Variants in IL1RAP observed in about 807,000 individuals in gnomAD.
IL1RAP encodes interleukin 1 receptor accessory protein.
Under a neutral mutation model 60.7 loss-of-function variants are expected in IL1RAP, and 35 were observed. The observed-to-expected ratio is 0.58, with a 90% CI of 0.44 to 0.76. The LOEUF (loss-of-function observed/expected upper bound fraction) is 0.76, where lower values mean the gene tolerates loss of function less well. Ranked by LOEUF, IL1RAP falls within the 30% of genes least tolerant of loss-of-function variation. The pLI is 0.00. For synonymous variants in IL1RAP, 268 were observed against 250.9 expected (o/e 1.07, Z -0.64); for missense variants, 572 against 693.9 (o/e 0.82, Z 1.97).
intron 3 of IL1RAP, among the ~76,000 whole-genome samples, chr3:190,566,308 G>A (rs1488609840): frequency 6.6e-6 from 1 of 152,148 alleles, no homozygotes; most frequent in South Asian, 2.1e-4. Flanking sequence ...TTGGGTTCAT[G>A]CCAGTAATTC....
At chr3:190,549,580 CG>C (rs1560159717) in intron 1 of IL1RAP, among the ~76,000 whole-genome samples, 1 of 152,110 alleles carries the variant, frequency 6.6e-6, no homozygotes, top group Non-Finnish European at 1.5e-5. Flanking sequence ...TGAAACAAGT[CG>C]GGGGTGAGGA....
intron 2 of IL1RAP, among the ~76,000 whole-genome samples, chr3:190,560,188 C>T (rs1725764393): frequency 6.6e-6 from 1 of 152,170 alleles, no homozygotes. Flanking sequence ...CCTACTCAGA[C>T]TTTTTGCAGT....
intron 5 of IL1RAP, among the ~76,000 whole-genome samples, chr3:190,619,080 C>T (rs1731528819): frequency 6.6e-6 from 1 of 152,098 alleles, no homozygotes; most frequent in Admixed American, 6.5e-5. Flanking sequence ...TGTAAAAAGC[C>T]TTAGAGATAA....
At chr3:190,653,658 T>C (rs554733549), downstream of IL1RAP, among the ~76,000 whole-genome samples, 2 of 151,530 alleles carry the variant, frequency 1.3e-5, no homozygotes, top group South Asian at 2.1e-4. Context: ...TATTGAAGAG[T>C]TCTCAGTCAT....
intron 6 of IL1RAP, 81 bp downstream of exon 6, chr3:190,620,521 T>C: frequency 8.3e-7 from 1 of 1,210,230 alleles, no homozygotes; most frequent in East Asian, 2.5e-5. Flanking sequence ...TACACACTAG[T>C]ATGTAAATTG....
chr3:190,585,252 C>G (rs1279951721), intron 3 of IL1RAP, among the ~76,000 whole-genome samples: 5 of 152,118 alleles, frequency 3.3e-5, no homozygotes, highest in Non-Finnish European at 7.4e-5. Context: ...TGCAGTCTTT[C>G]TCAACTTGAT....
intron 5 of IL1RAP, among the ~76,000 whole-genome samples, chr3:190,611,529 A>C (rs1321460428): frequency 2.0e-5 from 3 of 152,218 alleles, no homozygotes; most frequent in African/African-American, 7.2e-5. Flanking sequence ...AGTAGATAGC[A>C]CTGTAGCATC....
intron 3 of IL1RAP, among the ~76,000 whole-genome samples, chr3:190,589,982 C>T (rs1728803377): frequency 6.6e-6 from 1 of 152,210 alleles, no homozygotes; most frequent in Non-Finnish European, 1.5e-5. Context: ...GCAATAAAAA[C>T]TCAAAATCAA....
intron 9 of IL1RAP, among the ~76,000 whole-genome samples, chr3:190,637,679 CAT>C (rs1733329165): frequency 6.6e-6 from 1 of 151,910 alleles, no homozygotes; most frequent in African/African-American, 2.4e-5. Context: ...TTGAGAAATG[CAT>C]ATATATATGC....
chr3:190,630,733 C>T (rs1045319123), intron 9 of IL1RAP, among the ~76,000 whole-genome samples: 1 of 152,156 alleles, frequency 6.6e-6, no homozygotes, highest in African/African-American at 2.4e-5. Flanking sequence ...CTCGGGAACA[C>T]TACTAAGAAT....
intron 7 of IL1RAP, among the ~76,000 whole-genome samples, chr3:190,626,538 C>T (rs139054574): frequency 6.6e-6 from 1 of 152,176 alleles, no homozygotes; most frequent in Non-Finnish European, 1.5e-5. Flanking sequence ...ATGGTATTTC[C>T]CCATCTTTCC....
rs536225995 is a variant in IL1RAP at position 190,555,308 on chromosome 3, A to G, written c.-88-822A>G. Reference sequence around the variant, plus strand: ...ATGTGCTCCTTCCTCCCTCCTCTCTACTCCGCTTCCTTCTCTACTCCCTAC... The same window carrying G: ...ATGTGCTCCTTCCTCCCTCCTCTCTGCTCCGCTTCCTTCTCTACTCCCTAC... On this transcript the variant is annotated intron_variant, in intron 1 of 11. Coordinates refer to ENST00000447382, the MANE Select transcript of IL1RAP (RefSeq NM_002182.4). Among the ~76,000 whole-genome samples, 4 of 151,442 alleles carry G rather than the reference A, an allele frequency of 2.6e-5. No homozygotes were observed. In the East Asian group the frequency reaches 7.8e-4, roughly 29 times the overall value.
intron 9 of IL1RAP, among the ~76,000 whole-genome samples, chr3:190,637,844 A>T (rs11920183): frequency 0.085 from 12,825 of 150,452 alleles, 864 homozygotes; most frequent in African/African-American, 0.19. Flanking sequence ...TTTTTTTTTT[A>T]TATATTCTAG....
At chr3:190,578,054 C>T (rs1417611975) in intron 3 of IL1RAP, among the ~76,000 whole-genome samples, 4 of 152,098 alleles carry the variant, frequency 2.6e-5, no homozygotes, top group Admixed American at 6.6e-5. Context: ...CAGAGAACTA[C>T]CAGAGGGAGG....
At chr3:190,647,090 G>T (rs534552058) in intron 11 of IL1RAP, among the ~76,000 whole-genome samples, 16 of 152,214 alleles carry the variant, frequency 1.1e-4, no homozygotes, top group Admixed American at 4.6e-4. Flanking sequence ...CTTGCATCTT[G>T]CATTTGTTAG....
intron 5 of IL1RAP, among the ~76,000 whole-genome samples, chr3:190,619,432 A>G (rs1046270540): frequency 2.6e-5 from 4 of 152,176 alleles, no homozygotes; most frequent in Non-Finnish European, 5.9e-5. Context: ...TGTGATACTC[A>G]GTTATAAAAA....
chr3:190,585,979 C>T (rs1375945911), intron 3 of IL1RAP, among the ~76,000 whole-genome samples: 1 of 152,082 alleles, frequency 6.6e-6, no homozygotes, highest in East Asian at 1.9e-4. Context: ...TGTGATCTAA[C>T]CCCGGCTGAC....
chr3:190,615,291 T>C, intron 5 of IL1RAP: 1 of 1,272,312 alleles, frequency 7.9e-7, no homozygotes, highest in Non-Finnish European at 1.0e-6. Context: ...ACCATGTGTA[T>C]AAATGGGAGA....
chr3:190,541,380 G>A (rs551240267), intron 1 of IL1RAP, among the ~76,000 whole-genome samples: 5 of 152,190 alleles, frequency 3.3e-5, no homozygotes, highest in African/African-American at 9.6e-5. Flanking sequence ...AAAGAAAGAA[G>A]GTGAAGAATC....
Sources: gnomAD v4.1 joint callset for allele counts (sites outside exome capture counted in the v4.1 genomes callset) on GRCh38, gnomAD v4.1.1 for gene constraint, MANE v1.5 for transcripts, NCBI Gene and HGNC (gene_info 2026-07-23, HGNC 2026-07-21) for gene names.